Variants in MIPOL1 observed in about 807,000 individuals in gnomAD.
The protein encoded by MIPOL1 is mirror-image polydactyly 1.
MIPOL1 carries 57 observed loss-of-function variants against 60.9 expected under a neutral mutation model. The ratio of observed to expected loss-of-function variants is 0.94; its 90% confidence interval spans 0.76 to 1.17. The LOEUF is 1.17. MIPOL1 is among the 50% of genes most tolerant of loss of function. The pLI is 0.00. For synonymous variants in MIPOL1, 179 were observed against 168.8 expected, an observed-to-expected ratio of 1.06 and a Z score of -0.47; for missense variants, 551 against 511.6, an observed-to-expected ratio of 1.08 and a Z score of -0.74.
chr14:37,243,856 T>C (rs1480546180), intron 1 of MIPOL1, among the ~76,000 whole-genome samples: 1 of 152,138 alleles, frequency 6.6e-6, no homozygotes, highest in African/African-American at 2.4e-5. Context: ...GATTAGAAAT[T>C]TCAGACTGGT....
At chr14:37,419,836 G>A (rs936199252) in intron 10 of MIPOL1, among the ~76,000 whole-genome samples, 16 of 151,794 alleles carry the variant, frequency 1.1e-4, no homozygotes, top group Admixed American at 7.2e-4. Flanking sequence ...GAATTCCTGG[G>A]CTCAAGCAAT....
chr14:37,256,581 G>C (rs1353883202), intron 3 of MIPOL1, among the ~76,000 whole-genome samples: 2 of 151,926 alleles, frequency 1.3e-5, no homozygotes, highest in African/African-American at 4.8e-5. Context: ...AATGATTACA[G>C]TTCAGCAAAT....
intron 7 of MIPOL1, among the ~76,000 whole-genome samples, chr14:37,295,294 C>A (rs956879905): frequency 6.6e-6 from 1 of 152,066 alleles, no homozygotes; most frequent in African/African-American, 2.4e-5. Flanking sequence ...TACAAGAGCT[C>A]CTGAAGGAAG....
intron 9 of MIPOL1, among the ~76,000 whole-genome samples, chr14:37,316,353 G>T (rs1292406492): frequency 6.6e-6 from 1 of 151,960 alleles, no homozygotes; most frequent in African/African-American, 2.4e-5. Context: ...TAAAAGATGA[G>T]CGTAGTCAGT....
chr14:37,365,772 A>G (rs1011477470), intron 9 of MIPOL1, among the ~76,000 whole-genome samples: 1 of 151,994 alleles, frequency 6.6e-6, no homozygotes, highest in South Asian at 2.1e-4. Flanking sequence ...GAATAGTTTG[A>G]GTAGGATTGG....
chr14:37,226,833 A>G (rs1250083102), intron 1 of MIPOL1, among the ~76,000 whole-genome samples: 1 of 152,180 alleles, frequency 6.6e-6, no homozygotes, highest in East Asian at 1.9e-4. Flanking sequence ...TTTACCTTTC[A>G]GCTAACATGC....
At chr14:37,527,261 A>G (rs1219293533) in intron 12 of MIPOL1, among the ~76,000 whole-genome samples, 1 of 151,868 alleles carries the variant, frequency 6.6e-6, no homozygotes, top group Non-Finnish European at 1.5e-5. Context: ...TTACAGTGTC[A>G]GAATTGTGTT....
At chr14:37,240,563 C>G (rs926177856) in intron 1 of MIPOL1, 1 of 152,122 alleles carries the variant, frequency 6.6e-6, no homozygotes, top group Non-Finnish European at 1.5e-5. Flanking sequence ...CTTGGAGAAA[C>G]TATTCTGTAA....
chr14:37,494,171 T>G (rs2095084668), intron 11 of MIPOL1, among the ~76,000 whole-genome samples: 1 of 152,200 alleles, frequency 6.6e-6, no homozygotes, highest in Non-Finnish European at 1.5e-5. Flanking sequence ...GAATTATAGA[T>G]GTTTTGATTT....
chr14:37,420,144 C>T (rs534140657), intron 10 of MIPOL1, among the ~76,000 whole-genome samples: 1 of 150,228 alleles, frequency 6.7e-6, no homozygotes, highest in Non-Finnish European at 1.5e-5. Context: ...AAAGCGCTAT[C>T]AATTTTGTAA....
At chr14:37,373,842 A>G (rs1024620366) in intron 10 of MIPOL1, among the ~76,000 whole-genome samples, 2 of 152,184 alleles carry the variant, frequency 1.3e-5, no homozygotes, top group Non-Finnish European at 2.9e-5. Context: ...CACAATAAAC[A>G]TAAGTGTGCA....
chr14:37,505,922 T>C (rs1262247800), intron 12 of MIPOL1: 2 of 151,498 alleles, frequency 1.3e-5, no homozygotes, highest in East Asian at 3.9e-4. Context: ...GGATATAAAA[T>C]CAATGTGCAA....
chr14:37,400,640 A>G (rs1225535270), intron 10 of MIPOL1: 1 of 152,152 alleles, frequency 6.6e-6, no homozygotes, highest in Non-Finnish European at 1.5e-5. Context: ...AATGAATAAT[A>G]GAGAAGAAGC....
chr14:37,461,085 T>C (rs1407302069), intron 11 of MIPOL1, among the ~76,000 whole-genome samples: 2 of 152,192 alleles, frequency 1.3e-5, no homozygotes, highest in African/African-American at 4.8e-5. Flanking sequence ...GGTGGAGGCA[T>C]CACATTACCT....
intron 1 of MIPOL1, among the ~76,000 whole-genome samples, chr14:37,217,970 A>T (rs936715085): frequency 2.0e-5 from 3 of 152,166 alleles, no homozygotes; most frequent in Admixed American, 6.5e-5. Context: ...TCTCACATTT[A>T]AAAAAATTAT....
chr14:37,284,164 A>T (rs529165979), intron 6 of MIPOL1, among the ~76,000 whole-genome samples: 1 of 152,192 alleles, frequency 6.6e-6, no homozygotes, highest in African/African-American at 2.4e-5. Context: ...ATTAAAATCT[A>T]TATCAACAGT....
chr14:37,427,566 A>G (rs534470979), intron 11 of MIPOL1, among the ~76,000 whole-genome samples: 1 of 152,192 alleles, frequency 6.6e-6, no homozygotes, highest in African/African-American at 2.4e-5. Context: ...AAAATAGTAA[A>G]TTTTATGTTG....
intron 11 of MIPOL1, among the ~76,000 whole-genome samples, chr14:37,469,361 A>G (rs2094645943): frequency 6.6e-6 from 1 of 152,076 alleles, no homozygotes; most frequent in South Asian, 2.1e-4. Flanking sequence ...AAACAACCAG[A>G]TCTGGTGAGA....
At chr14:37,530,767 G>A (rs2095473947) in intron 12 of MIPOL1, among the ~76,000 whole-genome samples, 1 of 151,942 alleles carries the variant, frequency 6.6e-6, no homozygotes. Context: ...GTAGCCTGAT[G>A]TGTGAATATT....
Sources: allele counts gnomAD v4.1 joint callset (sites outside exome capture counted in the v4.1 genomes callset), GRCh38; gene constraint gnomAD v4.1.1; transcripts MANE v1.5; gene names NCBI Gene and HGNC (gene_info 2026-07-23, HGNC 2026-07-21).